Variants in PHKB observed in about 807,000 individuals in gnomAD.
The protein encoded by PHKB is phosphorylase kinase regulatory subunit beta, also known as phosphorylase b kinase regulatory subunit beta.
Under a neutral mutation model 152.1 loss-of-function variants are expected in PHKB, and 122 were observed. The observed-to-expected ratio is 0.80, with a 90% CI of 0.69 to 0.93. The LOEUF (loss-of-function observed/expected upper bound fraction) is 0.93. Among genes scored for constraint, PHKB ranks in the 40% least tolerant of loss-of-function variants. The pLI, the probability that PHKB is intolerant of heterozygous loss-of-function variation, is 0.00. For missense variants in PHKB, 1,304 were observed against 1,328.4 expected, an observed-to-expected ratio of 0.98 and a Z score of 0.29; for synonymous variants, 436 against 464.9, an observed-to-expected ratio of 0.94 and a Z score of 0.80.
chr16:47,487,919 A>G (rs950281406), intron 1 of PHKB, among the ~76,000 whole-genome samples: 2 of 152,166 alleles, frequency 1.3e-5, no homozygotes, highest in African/African-American at 4.8e-5. Context: ...ATGTGTCTTT[A>G]TGGTAAAATG....
chr16:47,628,222 A>G (rs1972745991), intron 14 of PHKB, among the ~76,000 whole-genome samples: 2 of 152,152 alleles, frequency 1.3e-5, no homozygotes, highest in South Asian at 4.1e-4. Flanking sequence ...ATTTTATGCA[A>G]TATAGGGCAT....
chr16:47,542,216 G>A (rs563169563), intron 6 of PHKB, among the ~76,000 whole-genome samples: 346 of 152,152 alleles, frequency 2.3e-3, no homozygotes, highest in Non-Finnish European at 2.1e-3. Context: ...TCAGCTTTCT[G>A]CGTATGGCTA....
chr16:47,547,787 C>A (rs1487068303), intron 7 of PHKB: 2 of 472,222 alleles, frequency 4.2e-6, no homozygotes, highest in Non-Finnish European at 7.7e-6. Flanking sequence ...GGTGTCAGTA[C>A]ATGCATGTCA....
chr16:47,519,799 C>A (rs867246043), intron 6 of PHKB, among the ~76,000 whole-genome samples: 11 of 152,126 alleles, frequency 7.2e-5, no homozygotes, highest in African/African-American at 2.7e-4. Flanking sequence ...CTATTTTTAG[C>A]AGTAGTTTTT....
chr16:47,566,108 A>G (rs1453652876), intron 7 of PHKB: 6 of 658,708 alleles, frequency 9.1e-6, no homozygotes, highest in African/African-American at 7.3e-5. Flanking sequence ...CATAGCCTCT[A>G]TCATAATCTC....
At position 47,516,398 on chromosome 16, in the gene PHKB, T is replaced by C. The variant is rs543536138; in HGVS notation, c.594+797T>C. Among the ~76,000 whole-genome samples, 5 of 152,234 alleles carry C rather than the reference T, an allele frequency of 3.3e-5. No homozygotes were observed. The South Asian group carries it at 1.0e-3, about 32-fold the overall frequency. ...TATTAGGAAAATTGTAAAGAATTCA[T>C]ATCCCAAAGATGAGAAGCATTTCTT... On this transcript the variant is annotated intron_variant, in intron 6 of 30. Coordinates refer to ENST00000323584, the MANE Select transcript of PHKB (RefSeq NM_000293.3).
At chr16:47,579,846 G>A (rs949180786) in intron 7 of PHKB, among the ~76,000 whole-genome samples, 4 of 152,130 alleles carry the variant, frequency 2.6e-5, no homozygotes, top group African/African-American at 4.8e-5. Context: ...GATACTTTAA[G>A]CCACACTCTG....
chr16:47,517,661 A>T (rs1970620585), intron 6 of PHKB, among the ~76,000 whole-genome samples: 1 of 152,174 alleles, frequency 6.6e-6, no homozygotes. Flanking sequence ...ATTTTTCATG[A>T]ATATTATATC....
At chr16:47,565,898 CT>C in intron 7 of PHKB, 1 of 1,137,356 alleles carries the variant, frequency 8.8e-7, no homozygotes, top group Non-Finnish European at 1.3e-6. Flanking sequence ...TACTCTGAGG[CT>C]TTAGATTCAG....
rs565963571 is a variant in PHKB, at chr16:47,477,708, A to G, written c.76+16282A>G. Among the ~76,000 whole-genome samples the G allele has an allele frequency of 5.9e-5, 9 of 152,352 alleles. No homozygotes were observed. In the East Asian group the frequency reaches 1.3e-3, roughly 23 times the overall value. ...TGGACAGCATCTCCAAGGCCAAACTACATGGCTCTGACTGCTTTTACCCCT... is the reference window on the plus strand; with the variant it reads ...TGGACAGCATCTCCAAGGCCAAACTGCATGGCTCTGACTGCTTTTACCCCT... On this transcript the variant is annotated intron_variant, in intron 1 of 30. Coordinates refer to ENST00000323584, the MANE Select transcript of PHKB (RefSeq NM_000293.3).
intron 7 of PHKB, among the ~76,000 whole-genome samples, chr16:47,567,962 G>C (rs944909273): frequency 6.6e-6 from 1 of 152,050 alleles, no homozygotes; most frequent in Non-Finnish European, 1.5e-5. Context: ...GAGGCTTTTT[G>C]CATCTGTATT....
intron 11 of PHKB, among the ~76,000 whole-genome samples, 193 bp from the exon 12 acceptor site, chr16:47,593,944 A>G (rs1175012482): frequency 6.6e-6 from 1 of 152,228 alleles, no homozygotes; most frequent in Non-Finnish European, 1.5e-5. Context: ...TCTAAATGCT[A>G]ACATGACTTT....
At chr16:47,489,196 T>G (rs771992849) in intron 1 of PHKB, among the ~76,000 whole-genome samples, 10 of 152,128 alleles carry the variant, frequency 6.6e-5, no homozygotes, top group Admixed American at 1.3e-4. Context: ...GGACTACAGG[T>G]GCATGCCACC....
Position 47,664,963 on chromosome 16 carries a change from A to G in PHKB, c.2415A>G (p.Val805=). ...SIAPHITTFL[V]HGKQVTLGAF... ...CCCCACACATTACTACTTTTCTGGT[A>G]CATGGGAAACAGGTAACATGCACAG... Residue 805 remains valine (V), a synonymous_variant, in exon 25 of 31, where the codon GTA becomes GTG. Transcript: ENST00000323584. 1 of 1,608,574 alleles carries G rather than the reference A, an allele frequency of 6.2e-7. No individual in the cohort carries two copies. The highest frequency in any genetic ancestry group is 8.5e-7 in the Non-Finnish European group (1 of 1,174,994).
chr16:47,641,911 G>A (rs1973030952), intron 16 of PHKB, among the ~76,000 whole-genome samples: 1 of 151,896 alleles, frequency 6.6e-6, no homozygotes, highest in Admixed American at 6.6e-5. Flanking sequence ...GTGTGTGTAC[G>A]TTATGTTTAT....
At chr16:47,694,184 C>G (rs888834106) in intron 28 of PHKB, among the ~76,000 whole-genome samples, 9 of 152,098 alleles carry the variant, frequency 5.9e-5, no homozygotes, top group Non-Finnish European at 1.3e-4. Flanking sequence ...GAGTTAGTGC[C>G]CTCTCCTTCT....
At chr16:47,543,769 T>G (rs998859492) in intron 6 of PHKB, among the ~76,000 whole-genome samples, 6 of 152,220 alleles carry the variant, frequency 3.9e-5, no homozygotes, top group Non-Finnish European at 7.3e-5. Context: ...TTCTTCTAGA[T>G]TTTCTACTTT....
At chr16:47,652,507 CCAAA>C (rs1336383989) in intron 20 of PHKB, among the ~76,000 whole-genome samples, 1 of 151,844 alleles carries the variant, frequency 6.6e-6, no homozygotes, top group East Asian at 1.9e-4. Flanking sequence ...GACATTCCCA[CCAAA>C]CAGTGTATAA....
chr16:47,672,392 C>T (rs969040958), intron 26 of PHKB, among the ~76,000 whole-genome samples: 1 of 152,136 alleles, frequency 6.6e-6, no homozygotes, highest in Non-Finnish European at 1.5e-5. Flanking sequence ...TGTGAGCTAA[C>T]TCCAAATGAA....
Sources: allele counts gnomAD v4.1 joint callset (sites outside exome capture counted in the v4.1 genomes callset), GRCh38; gene constraint gnomAD v4.1.1; transcripts MANE v1.5; gene names NCBI Gene and HGNC (gene_info 2026-07-23, HGNC 2026-07-21).